Variants in SUPT3H observed in about 807,000 individuals in gnomAD.
The protein encoded by SUPT3H is SPT3 homolog, SAGA and STAGA complex component.
In SUPT3H, 44 loss-of-function variants were observed where a neutral mutation model predicts 44.3. The observed-to-expected ratio is 0.99, with a 90% CI of 0.78 to 1.28. SUPT3H has a LOEUF of 1.28. Among genes scored for constraint, SUPT3H ranks in the 50% most tolerant of loss-of-function variants. SUPT3H has a pLI of 0.00. For synonymous variants in SUPT3H, 124 were observed against 125.6 expected, an observed-to-expected ratio of 0.99 and a Z score of 0.09; for missense variants, 380 against 387.1, an observed-to-expected ratio of 0.98 and a Z score of 0.15.
At chr6:44,979,088 C>T (rs1384266987) in intron 6 of SUPT3H, among the ~76,000 whole-genome samples, 2 of 152,142 alleles carry the variant, frequency 1.3e-5, no homozygotes, top group Non-Finnish European at 2.9e-5. Context: ...TTGTACCACA[C>T]CAGGTATCCC....
At chr6:44,825,637 C>T (rs1767686096), downstream of SUPT3H, among the ~76,000 whole-genome samples, 1 of 152,158 alleles carries the variant, frequency 6.6e-6, no homozygotes, top group Non-Finnish European at 1.5e-5. Flanking sequence ...GCACAAACTG[C>T]TTAGTACACA....
intron 10 of SUPT3H, among the ~76,000 whole-genome samples, chr6:44,847,958 C>CTTTTTCTTTTTTTT (rs1772170645): frequency 1.7e-5 from 1 of 58,350 alleles, no homozygotes; most frequent in African/African-American, 6.9e-5. Context: ...ATCTCTGTGT[C>CTTTTTCTTTTTTTT]TTTTTTTTTT....
intron 5 of SUPT3H, among the ~76,000 whole-genome samples, 187 bp downstream of exon 5, chr6:45,014,614 T>C (rs1026942800): frequency 6.6e-6 from 1 of 152,126 alleles, no homozygotes; most frequent in Non-Finnish European, 1.5e-5. Flanking sequence ...TGTAGTAATA[T>C]TAAATAGGTA....
intron 5 of SUPT3H, among the ~76,000 whole-genome samples, chr6:45,014,026 A>C (rs554255403): frequency 6.6e-6 from 1 of 152,226 alleles, no homozygotes; most frequent in Admixed American, 6.6e-5. Context: ...TTTCAAAAAA[A>C]ATTTACCAGT....
intron 11 of SUPT3H, among the ~76,000 whole-genome samples, chr6:44,819,481 TA>T: frequency 6.8e-6 from 1 of 146,474 alleles, no homozygotes; most frequent in South Asian, 2.3e-4. Flanking sequence ...TAGATCAGAC[TA>T]AGCATTTTTT....
At chr6:45,277,675 G>C (rs912763394) in intron 2 of SUPT3H, among the ~76,000 whole-genome samples, 48 of 152,148 alleles carry the variant, frequency 3.2e-4, no homozygotes, top group Admixed American at 3.1e-3. Flanking sequence ...CTCTGTGTCA[G>C]GATTTACACA....
intron 2 of SUPT3H, among the ~76,000 whole-genome samples, chr6:45,142,474 C>T (rs1441661349): frequency 2.6e-5 from 4 of 152,144 alleles, no homozygotes; most frequent in Admixed American, 6.6e-5. Context: ...CGGTGGCTCA[C>T]GTCTGTAATT....
chr6:45,153,425 G>A (rs1256502182), intron 2 of SUPT3H, among the ~76,000 whole-genome samples: 1 of 152,190 alleles, frequency 6.6e-6, no homozygotes, highest in Non-Finnish European at 1.5e-5. Flanking sequence ...CAGAATATAT[G>A]TCTCATGTTT....
chr6:44,983,265 A>G (rs1403732301), intron 6 of SUPT3H, among the ~76,000 whole-genome samples: 2 of 152,174 alleles, frequency 1.3e-5, no homozygotes, highest in Non-Finnish European at 2.9e-5. Context: ...GTGACTTGTT[A>G]GGTAAAAGTG....
chr6:44,947,761 C>A (rs923580917), intron 9 of SUPT3H, among the ~76,000 whole-genome samples: 3 of 152,136 alleles, frequency 2.0e-5, no homozygotes, highest in Admixed American at 2.0e-4. Flanking sequence ...AAGAGTCTTT[C>A]AGCAAATAGT....
chr6:45,313,193 A>C (rs901090773), intron 2 of SUPT3H, among the ~76,000 whole-genome samples: 2 of 152,224 alleles, frequency 1.3e-5, no homozygotes, highest in African/African-American at 2.4e-5. Context: ...AGGTTGAAAG[A>C]GCACAAACAG....
At chr6:45,313,868 A>G (rs1306592254) in intron 2 of SUPT3H, among the ~76,000 whole-genome samples, 1 of 152,176 alleles carries the variant, frequency 6.6e-6, no homozygotes, top group Non-Finnish European at 1.5e-5. Flanking sequence ...GATATCCTTG[A>G]TGAACATAGA....
intron 3 of SUPT3H, among the ~76,000 whole-genome samples, chr6:45,099,820 C>T (rs1460482841): frequency 6.6e-6 from 1 of 152,038 alleles, no homozygotes; most frequent in African/African-American, 2.4e-5. Flanking sequence ...GAAATGATGA[C>T]CTCATTTACA....
intron 1 of SUPT3H, among the ~76,000 whole-genome samples, chr6:45,376,060 AAGAT>A (rs1220326899): frequency 1.3e-5 from 2 of 152,246 alleles, no homozygotes; most frequent in African/African-American, 4.8e-5. Context: ...AAAGTGGTAA[AAGAT>A]AGCAGAAACC....
At chr6:44,888,412 C>A (rs1301276890) in intron 10 of SUPT3H, among the ~76,000 whole-genome samples, 1 of 152,124 alleles carries the variant, frequency 6.6e-6, no homozygotes, top group South Asian at 2.1e-4. Flanking sequence ...AAAAGCTTAT[C>A]CACCATGATC....
intron 2 of SUPT3H, among the ~76,000 whole-genome samples, chr6:45,280,763 G>A (rs1183433606): frequency 2.6e-5 from 4 of 152,106 alleles, no homozygotes; most frequent in African/African-American, 7.2e-5. Flanking sequence ...GTAACCATGG[G>A]ATAAAATATA....
At chr6:45,241,535 C>T (rs1401205363) in intron 2 of SUPT3H, among the ~76,000 whole-genome samples, 5 of 152,170 alleles carry the variant, frequency 3.3e-5, no homozygotes, top group Admixed American at 2.0e-4. Flanking sequence ...ATGTTTATCG[C>T]TGGCTTGAGG....
chr6:44,843,904 AAC>A (rs58737760), intron 10 of SUPT3H, among the ~76,000 whole-genome samples: 169 of 118,416 alleles, frequency 1.4e-3, no homozygotes, highest in South Asian at 3.6e-3. Context: ...TGAACAGCCA[AAC>A]ACACACACAC....
intron 1 of SUPT3H, among the ~76,000 whole-genome samples, chr6:45,376,570 C>T (rs1236611858): frequency 6.6e-6 from 1 of 152,230 alleles, no homozygotes; most frequent in Non-Finnish European, 1.5e-5. Flanking sequence ...AAGGCAGAAA[C>T]TGCTAGTGAA....
Sources: allele counts gnomAD v4.1 joint callset (sites outside exome capture counted in the v4.1 genomes callset), GRCh38; gene constraint gnomAD v4.1.1; transcripts MANE v1.5; gene names NCBI Gene and HGNC (gene_info 2026-07-23, HGNC 2026-07-21).